Variants in NHEJ1 observed in about 807,000 individuals in gnomAD.
NHEJ1 encodes non-homologous end joining factor 1, also known as non-homologous end-joining factor 1.
NHEJ1 carries 22 observed loss-of-function variants against 39.4 expected under a neutral mutation model. The observed-to-expected ratio is 0.56, with a 90% CI of 0.40 to 0.80. The LOEUF (loss-of-function observed/expected upper bound fraction) is 0.80, where lower values mean the gene tolerates loss of function less well. NHEJ1 is among the 30% of genes least tolerant of loss of function. The pLI, the probability that NHEJ1 is intolerant of heterozygous loss-of-function variation, is 0.00. For synonymous variants in NHEJ1, 154 were observed against 135.6 expected, an observed-to-expected ratio of 1.14 and a Z score of -0.94; for missense variants, 329 against 357.1, an observed-to-expected ratio of 0.92 and a Z score of 0.63.
intron 2 of NHEJ1, 124 bp from the exon 3 acceptor site, chr2:219,157,808 A>G (rs1439727842): frequency 1.3e-5 from 10 of 795,654 alleles, no homozygotes; most frequent in Non-Finnish European, 1.9e-5. Flanking sequence ...GGGAGAGAAG[A>G]TAAAAACATC....
chr2:219,081,196 C>T (rs901424603), intron 5 of NHEJ1, among the ~76,000 whole-genome samples: 39 of 152,164 alleles, frequency 2.6e-4, no homozygotes, highest in Admixed American at 1.1e-3. Flanking sequence ...CCCATTATCA[C>T]GGATTCCTTG....
chr2:219,073,792 T>C lies in NHEJ1; in HGVS notation c.*2589A>G, dbSNP rs1188552035. Among the ~76,000 whole-genome samples the C allele has an allele frequency of 6.6e-6, 1 of 151,676 alleles. No homozygotes were observed. Among genetic ancestry groups the C allele is most frequent in the East Asian group, 1.9e-4 (1 of 5,170 alleles). On this transcript the variant is annotated 3_prime_UTR_variant, in exon 8 of 8. Transcript: ENST00000356853. ...GGGAGCGGGCGGGTAGGCGGGGAGG[T>C]GGGCCACTGCTTTATTAAACACAGG...
intron 5 of NHEJ1, among the ~76,000 whole-genome samples, chr2:219,080,641 T>C (rs965545250): frequency 9.5e-6 from 1 of 104,938 alleles, no homozygotes; most frequent in African/African-American, 4.9e-5. Context: ...ATATATAAGC[T>C]TATATATATG....
intron 5 of NHEJ1, among the ~76,000 whole-genome samples, chr2:219,092,560 T>C (rs1172484184): frequency 6.6e-6 from 1 of 152,248 alleles, no homozygotes; most frequent in East Asian, 1.9e-4. Flanking sequence ...ACAGTGTCTT[T>C]TGCTTACATT....
At chr2:219,118,364 G>A (rs1237437736) in intron 5 of NHEJ1, among the ~76,000 whole-genome samples, 1 of 149,414 alleles carries the variant, frequency 6.7e-6, no homozygotes, top group African/African-American at 2.5e-5. Flanking sequence ...CTAACATAGT[G>A]GAGAATGGAC....
intron 5 of NHEJ1, among the ~76,000 whole-genome samples, chr2:219,123,928 A>G (rs1331902265): frequency 1.3e-5 from 2 of 152,218 alleles, no homozygotes; most frequent in African/African-American, 4.8e-5. Context: ...AAATACTTGA[A>G]GTTTTATTAG....
intron 5 of NHEJ1, among the ~76,000 whole-genome samples, chr2:219,135,342 C>T (rs1243125930): frequency 6.6e-6 from 1 of 152,178 alleles, no homozygotes; most frequent in Non-Finnish European, 1.5e-5. Flanking sequence ...CACAGTGGCT[C>T]ACGCCTGTAA....
Position 219,076,398 on chromosome 2 carries a change from T to G in NHEJ1, c.883A>C (p.Arg295=), listed in dbSNP as rs577812571. 5.0e-6 allele frequency: 8 copies of G among 1,614,130 alleles called. No homozygotes were observed. The highest frequency in any genetic ancestry group is 5.9e-6 in the Non-Finnish European group (7 of 1,180,036). The change falls in exon 8 of 8, where the codon AGG becomes CGG. Residue 295 remains arginine (R), a synonymous_variant. Transcript: ENST00000356853. ...ACAACAGATTAACTGAAGAGACCCC[T>G]TGGCTTCTTCCTCTTGACCTTTGAC... ...QLSKVKRKKP[R]GLFS is the part of the protein sequence containing the mutation.
intron 5 of NHEJ1, among the ~76,000 whole-genome samples, chr2:219,107,833 A>G (rs909637289): frequency 6.6e-6 from 1 of 152,044 alleles, no homozygotes; most frequent in Admixed American, 6.5e-5. Flanking sequence ...AAAACTAACC[A>G]AGAAGTTACT....
intron 2 of NHEJ1, 124 bp downstream of exon 2, chr2:219,158,062 G>A (rs1949874639): frequency 6.2e-6 from 5 of 801,400 alleles, no homozygotes; most frequent in Middle Eastern, 3.8e-4. Context: ...AGAAGTACAG[G>A]TAGAAGTACA....
chr2:219,097,464 G>C (rs1162388152), intron 5 of NHEJ1, among the ~76,000 whole-genome samples: 2 of 152,206 alleles, frequency 1.3e-5, no homozygotes, highest in Non-Finnish European at 2.9e-5. Flanking sequence ...AGATTTATTT[G>C]TTTCAGACAC....
At position 219,133,434 on chromosome 2, in the gene NHEJ1, C is replaced by A. The variant is rs180985715; in HGVS notation, c.588+13246G>T. 2.6e-5 allele frequency among the ~76,000 whole-genome samples: 4 copies of A among 152,320 alleles called. No individual in the cohort carries two copies. In the East Asian group the frequency reaches 7.7e-4, roughly 29 times the overall value. ...CCTTTAAAAAGGCTACAACCAGGTA[C>A]CTCCTGTCTACAAGGCCCTGAGATA... On this transcript the variant is annotated intron_variant, in intron 5 of 7. Transcript: ENST00000356853.
In NHEJ1 at chr2:219,106,118, A is replaced by T. The variant is rs75608338; in HGVS notation, c.589-27912T>A. On this transcript the variant is annotated intron_variant, in intron 5 of 7. Coordinates refer to ENST00000356853, the MANE Select transcript of NHEJ1 (RefSeq NM_024782.3). ...AATGAATGGAAAGAAAGGTAATACC[A>T]GCAAAACTAAGCTGCCTCAGATCCC... Among the ~76,000 whole-genome samples the T allele has an allele frequency of 3.1e-3, 471 of 152,366 alleles. 1 individual carries two copies. Among genetic ancestry groups the T allele is most frequent in the African/African-American group, 0.011 (453 of 41,582 alleles).
chr2:219,133,466 G>A (rs977019219), intron 5 of NHEJ1, among the ~76,000 whole-genome samples: 3 of 152,202 alleles, frequency 2.0e-5, no homozygotes, highest in Non-Finnish European at 4.4e-5. Context: ...GATAGAGTTA[G>A]AAGAAGAAAC....
At chr2:219,094,705 C>T (rs150312190) in intron 5 of NHEJ1, among the ~76,000 whole-genome samples, 88 of 152,234 alleles carry the variant, frequency 5.8e-4, no homozygotes, top group African/African-American at 1.9e-3. Flanking sequence ...CACTTCCTTG[C>T]AGGAAGTTAT....
At chr2:219,109,410 T>C (rs968346099) in intron 5 of NHEJ1, among the ~76,000 whole-genome samples, 3 of 152,208 alleles carry the variant, frequency 2.0e-5, no homozygotes, top group Non-Finnish European at 2.9e-5. Context: ...AGGTGCCCCA[T>C]GGCAGTAACC....
At chr2:219,095,221 T>C in intron 5 of NHEJ1, 1 of 451,150 alleles carries the variant, frequency 2.2e-6, no homozygotes, top group Non-Finnish European at 4.7e-6. Flanking sequence ...ACGTGGCTTT[T>C]GTAAGATCTG....
chr2:219,124,186 CAAAG>C (rs961887653), intron 5 of NHEJ1, among the ~76,000 whole-genome samples: 5 of 151,854 alleles, frequency 3.3e-5, no homozygotes, highest in Admixed American at 6.6e-5. Context: ...TCCTGGTTAA[CAAAG>C]AAAGAGGTGA....
chr2:219,141,634 A>G (rs78706468), intron 5 of NHEJ1, among the ~76,000 whole-genome samples: 6,833 of 152,234 alleles, frequency 0.045, 512 homozygotes, highest in African/African-American at 0.15. Context: ...CATTTTGGAC[A>G]TGTTTAGGAT....
Sources: gnomAD v4.1 joint callset for allele counts (sites outside exome capture counted in the v4.1 genomes callset) on GRCh38, gnomAD v4.1.1 for gene constraint, MANE v1.5 for transcripts, NCBI Gene and HGNC (gene_info 2026-07-23, HGNC 2026-07-21) for gene names.